The following ANKRD13C variants were observed in gnomAD, a reference collection of about 807,000 sequenced individuals.
ANKRD13C encodes the protein ankyrin repeat domain-containing protein 13C.
Under a neutral mutation model 65.5 loss-of-function variants are expected in ANKRD13C, and 16 were observed. The observed-to-expected ratio is 0.24, with a 90% CI of 0.17 to 0.37. The LOEUF is 0.37. Among genes scored for constraint, ANKRD13C ranks in the 10% least tolerant of loss-of-function variants. The pLI, the probability that ANKRD13C is intolerant of heterozygous loss-of-function variation, is 1.00. For synonymous variants in ANKRD13C, 235 were observed against 238.7 expected (o/e 0.98, Z 0.14); for missense variants, 503 against 655.9 (o/e 0.77, Z 2.55).
chr1:70,341,609 C>T (rs1682315200), intron 1 of ANKRD13C, among the ~76,000 whole-genome samples: 1 of 152,124 alleles, frequency 6.6e-6, no homozygotes, highest in African/African-American at 2.4e-5. Flanking sequence ...ATCTGCCTGC[C>T]TCAGCCTCCC....
intron 6 of ANKRD13C, among the ~76,000 whole-genome samples, chr1:70,302,446 GCCGGGCGCGGT>G (rs1157824917): frequency 3.6e-5 from 4 of 110,766 alleles, no homozygotes; most frequent in Non-Finnish European, 7.2e-5. Context: ...AATAGTATTG[GCCGGGCGCGGT>G]GGCTCACGCC....
intron 1 of ANKRD13C, among the ~76,000 whole-genome samples, chr1:70,336,362 T>C (rs1439632115): frequency 6.6e-6 from 1 of 152,200 alleles, no homozygotes; most frequent in Non-Finnish European, 1.5e-5. Context: ...CAGATTCCTT[T>C]TGCTGCTAAT....
chr1:70,322,788 T>C (rs1209907703), intron 3 of ANKRD13C, among the ~76,000 whole-genome samples: 1 of 151,562 alleles, frequency 6.6e-6, no homozygotes, highest in African/African-American at 2.4e-5. Context: ...ACGTCAGGAG[T>C]TCAAAACCAG....
intron 2 of ANKRD13C, among the ~76,000 whole-genome samples, chr1:70,325,302 A>G (rs1272009412): frequency 1.3e-5 from 2 of 152,214 alleles, no homozygotes; most frequent in Non-Finnish European, 2.9e-5. Flanking sequence ...GCAAATACCT[A>G]TCAGCTAGTA....
intron 8 of ANKRD13C, among the ~76,000 whole-genome samples, chr1:70,293,143 A>C (rs1679931040): frequency 6.6e-6 from 1 of 152,276 alleles, no homozygotes; most frequent in African/African-American, 2.4e-5. Context: ...ATACAATTAA[A>C]GTGTTTTAGG....
At chr1:70,276,883 G>T in intron 9 of ANKRD13C, 39 bp from the exon 10 acceptor site, 2 of 1,455,874 alleles carry the variant, frequency 1.4e-6, no homozygotes, top group Non-Finnish European at 1.9e-6. Flanking sequence ...GGGTGGGGGA[G>T]AAAGAAAGAT....
At chr1:70,336,755 C>G (rs894337426) in intron 1 of ANKRD13C, among the ~76,000 whole-genome samples, 2 of 151,962 alleles carry the variant, frequency 1.3e-5, no homozygotes, top group Non-Finnish European at 2.9e-5. Flanking sequence ...AACAAACAAA[C>G]AGTTATTATT....
chr1:70,301,212 T>C (rs886232199), intron 6 of ANKRD13C, among the ~76,000 whole-genome samples: 3 of 151,362 alleles, frequency 2.0e-5, no homozygotes, highest in African/African-American at 4.9e-5. Flanking sequence ...CACACACACA[T>C]ATATATATAC....
At position 70,354,700 on chromosome 1, in the gene ANKRD13C, G is replaced by C; in HGVS notation, c.-292C>G. 1 of 745,382 alleles carries C rather than the reference G, an allele frequency of 1.3e-6. No individual in the cohort carries two copies. The highest frequency in any genetic ancestry group is 1.9e-5 in the South Asian group (1 of 51,684). The allele number at this position is 745,382 out of a possible 1,614,324, so 46.2% of individuals were successfully genotyped here. A position where few individuals can be genotyped will look rare whatever the true frequency, so the allele number is the denominator to read the frequency against. The stretch of plus-strand genomic sequence containing the variant: ...TCGCTGCCTTACACCGAAAAACAGG[G>C]CACGGCCATCTTCCTCTTGCTCCTC... On this transcript the variant is annotated 5_prime_UTR_variant, in exon 1 of 13. Transcript: ENST00000370944.
At chr1:70,312,862 T>C (rs1359161853) in intron 5 of ANKRD13C, among the ~76,000 whole-genome samples, 2 of 143,830 alleles carry the variant, frequency 1.4e-5, no homozygotes, top group Non-Finnish European at 3.0e-5. Context: ...GACTCATGTT[T>C]AAAATGAGGA....
chr1:70,329,177 ATGTAT>A (rs1681677250), intron 2 of ANKRD13C, among the ~76,000 whole-genome samples: 2 of 152,318 alleles, frequency 1.3e-5, no homozygotes, highest in East Asian at 3.9e-4. Flanking sequence ...TTATGTATCT[ATGTAT>A]TGTATGATTT....
intron 9 of ANKRD13C, among the ~76,000 whole-genome samples, chr1:70,277,776 G>A (rs879678510): frequency 6.6e-5 from 10 of 152,102 alleles, no homozygotes; most frequent in Admixed American, 1.3e-4. Context: ...ACAGTAGATG[G>A]TAAAAATCGC....
At position 70,315,509 on chromosome 1, in the gene ANKRD13C, C is replaced by T. The variant is rs774093011; in HGVS notation, c.635G>A (p.Arg212Gln). The change falls in exon 4 of 13, where the codon CGA (arginine) becomes CAA (glutamine). Residue 212 changes from arginine to glutamine, a missense_variant. Around this residue, in one of 2 missense-constraint regions of ANKRD13C, gnomAD observed 300 missense variants for 478.3 expected, o/e 0.63. Transcript: ENST00000370944. ...QQSRESVEEK[R>Q]PRLLKALKEL... ...TTTCAGGGCTTTTAATAATCGAGGT[C>T]GTTTTTCTTCAACACTTTCCCTGGA... 5.0e-6 allele frequency: 8 copies of T among 1,605,212 alleles called. No individual in the cohort carries two copies. Among genetic ancestry groups the T allele is most frequent in the South Asian group, 2.2e-5 (2 of 89,080 alleles).
At chr1:70,306,199 T>C (rs764700703) in intron 6 of ANKRD13C, 25 bp downstream of exon 6, 21 of 1,491,230 alleles carry the variant, frequency 1.4e-5, no homozygotes, top group Admixed American at 4.3e-5. Context: ...TTTCTTTTAC[T>C]GAGAAAAAAA....
chr1:70,345,686 A>C (rs1438638899), intron 1 of ANKRD13C, among the ~76,000 whole-genome samples: 1 of 152,222 alleles, frequency 6.6e-6, no homozygotes, highest in Non-Finnish European at 1.5e-5. Flanking sequence ...TGACTAGAAC[A>C]GTCTTTTATG....
chr1:70,350,696 T>C (rs946450471), intron 1 of ANKRD13C, among the ~76,000 whole-genome samples: 2 of 152,176 alleles, frequency 1.3e-5, no homozygotes, highest in African/African-American at 4.8e-5. Context: ...GAGAATTGAC[T>C]TCCTTGCAAT....
intron 1 of ANKRD13C, among the ~76,000 whole-genome samples, chr1:70,347,292 T>C (rs966246756): frequency 6.6e-6 from 1 of 152,106 alleles, no homozygotes; most frequent in Non-Finnish European, 1.5e-5. Flanking sequence ...ATATTGTTTG[T>C]CTGCCTGGCC....
chr1:70,297,286 GATTTTTTTTTT>G (rs1167115987), intron 7 of ANKRD13C, among the ~76,000 whole-genome samples: 1 of 125,098 alleles, frequency 8.0e-6, no homozygotes, highest in East Asian at 2.7e-4. Flanking sequence ...GTCCCTTTCT[GATTTTTTTTTT>G]TTTTTTTTTT....
intron 2 of ANKRD13C, among the ~76,000 whole-genome samples, chr1:70,334,833 G>C (rs1237034675): frequency 6.6e-6 from 1 of 152,006 alleles, no homozygotes; most frequent in African/African-American, 2.4e-5. Flanking sequence ...TTGAACCTGG[G>C]AGGCAGAGAT....
Sources: allele counts gnomAD v4.1 joint callset (sites outside exome capture counted in the v4.1 genomes callset), GRCh38; gene constraint gnomAD v4.1.1; regional missense constraint gnomAD v4.1.1; transcripts MANE v1.5; gene names NCBI Gene and HGNC (gene_info 2026-07-23, HGNC 2026-07-21).